KAZN: variants seen among roughly 807,000 people sequenced by gnomAD.
KAZN encodes kazrin.
A neutral mutation model predicts 87.4 loss-of-function variants in KAZN; 40 were observed. The observed-to-expected ratio is 0.46, with a 90% CI of 0.36 to 0.60. The LOEUF (loss-of-function observed/expected upper bound fraction) is 0.60, where lower values mean the gene tolerates loss of function less well. KAZN is among the 20% of genes least tolerant of loss of function. The pLI is 0.00. For synonymous variants in KAZN, 466 were observed against 458.3 expected (o/e 1.02, Z -0.22); for missense variants, 898 against 1,073.9 (o/e 0.84, Z 2.29).
At chr1:14,930,331 G>A (rs554064033) in intron 1 of KAZN, among the ~76,000 whole-genome samples, 1 of 152,144 alleles carries the variant, frequency 6.6e-6, no homozygotes, top group East Asian at 1.9e-4. Context: ...CCTTTTAATT[G>A]TACAGAAGTT....
chr1:14,489,928 C>G (rs1395770250), intron 2 of KAZN, among the ~76,000 whole-genome samples: 3 of 151,984 alleles, frequency 2.0e-5, no homozygotes, highest in Non-Finnish European at 4.4e-5. Flanking sequence ...GACTGTTTCC[C>G]TAGAATAGAC....
At chr1:14,665,516 G>A (rs1255982575) in intron 1 of KAZN, among the ~76,000 whole-genome samples, 2 of 152,052 alleles carry the variant, frequency 1.3e-5, no homozygotes, top group Non-Finnish European at 2.9e-5. Context: ...CGTCACCAGA[G>A]TCAACCTTCA....
chr1:14,280,185 G>GC (rs926367230), intron 2 of KAZN, among the ~76,000 whole-genome samples: 2 of 151,486 alleles, frequency 1.3e-5, no homozygotes, highest in East Asian at 3.9e-4. Flanking sequence ...ACACGGTGAA[G>GC]CCCCATCTCT....
chr1:15,109,727 CTGTG>C (rs148757321), intron 13 of KAZN, among the ~76,000 whole-genome samples: 26,343 of 150,664 alleles, frequency 0.17, 2,832 homozygotes, highest in East Asian at 0.53. Context: ...GTGTATATAT[CTGTG>C]TGTATGTGTG....
intron 1 of KAZN, among the ~76,000 whole-genome samples, chr1:14,665,278 C>A (rs1343163119): frequency 6.7e-6 from 1 of 148,364 alleles, no homozygotes; most frequent in African/African-American, 2.5e-5. Flanking sequence ...TTAAATATGT[C>A]CAGTGGCTGC....
chr1:14,510,167 T>C (rs1670825336), intron 2 of KAZN, among the ~76,000 whole-genome samples: 1 of 152,086 alleles, frequency 6.6e-6, no homozygotes, highest in Non-Finnish European at 1.5e-5. Flanking sequence ...TCACCTGAGG[T>C]TGGGAGTTTG....
chr1:14,444,621 T>G (rs1239563070), intron 2 of KAZN, among the ~76,000 whole-genome samples: 1 of 152,148 alleles, frequency 6.6e-6, no homozygotes, highest in African/African-American at 2.4e-5. Context: ...CCCGATTCTT[T>G]TTTCTGCTCT....
chr1:14,129,163 T>C (rs1236588374), intron 1 of KAZN, among the ~76,000 whole-genome samples: 1 of 151,912 alleles, frequency 6.6e-6, no homozygotes, highest in East Asian at 1.9e-4. Flanking sequence ...ATCAGTGGAG[T>C]TGAATTTATT....
intron 2 of KAZN, among the ~76,000 whole-genome samples, chr1:14,271,434 G>GT (rs1651919897): frequency 6.6e-6 from 1 of 152,212 alleles, no homozygotes; most frequent in Non-Finnish European, 1.5e-5. Flanking sequence ...GCTAGCACAA[G>GT]TAAGAAGAGT....
intron 2 of KAZN, among the ~76,000 whole-genome samples, chr1:14,437,964 T>C (rs1288960978): frequency 1.3e-5 from 2 of 152,118 alleles, no homozygotes; most frequent in Non-Finnish European, 2.9e-5. Context: ...AGGTGGTAGC[T>C]GTATTGGTGA....
intron 1 of KAZN, among the ~76,000 whole-genome samples, chr1:13,934,234 GT>G (rs1242081161): frequency 6.6e-6 from 1 of 152,214 alleles, no homozygotes; most frequent in Non-Finnish European, 1.5e-5. Flanking sequence ...GTAAAGTGAG[GT>G]TGAGTTTCCT....
Position 15,114,841 on chromosome 1 carries a change from A to G in KAZN, c.*206A>G. 2.0e-6 allele frequency: 1 copy of G among 511,890 alleles called. No homozygotes were observed. The allele number at this position is 511,890 out of a possible 1,614,324, so 31.7% of individuals were successfully genotyped here. On this transcript the variant is annotated 3_prime_UTR_variant, in exon 15 of 15. Transcript: ENST00000376030. ...CCAGCCCACCTGTCTTGGGTGGGCC[A>G]TGGACTTTCCTGTTCAGCTGGAGAT...
chr1:14,306,303 A>C (rs1489152764), intron 2 of KAZN, among the ~76,000 whole-genome samples: 1 of 152,200 alleles, frequency 6.6e-6, no homozygotes, highest in African/African-American at 2.4e-5. Context: ...GTAAAGGCCA[A>C]TGTATTGGGG....
chr1:14,023,404 A>G (rs1401443490), intron 1 of KAZN, among the ~76,000 whole-genome samples: 1 of 152,226 alleles, frequency 6.6e-6, no homozygotes, highest in Non-Finnish European at 1.5e-5. Flanking sequence ...TGCCTTATGC[A>G]TATTAATCAC....
chr1:14,803,402 T>A (rs1477637281), intron 1 of KAZN, among the ~76,000 whole-genome samples: 1 of 152,136 alleles, frequency 6.6e-6, no homozygotes, highest in African/African-American at 2.4e-5. Context: ...TTGGCCCTGA[T>A]GAAAGTTCAG....
At chr1:14,466,763 T>G (rs1668163244) in intron 2 of KAZN, among the ~76,000 whole-genome samples, 1 of 151,530 alleles carries the variant, frequency 6.6e-6, no homozygotes, top group Non-Finnish European at 1.5e-5. Context: ...AGTCAGGAGA[T>G]GGAGACCATC....
At chr1:13,908,667 CAGA>C (rs1243635155) in intron 1 of KAZN, among the ~76,000 whole-genome samples, 2 of 152,312 alleles carry the variant, frequency 1.3e-5, no homozygotes, top group East Asian at 3.9e-4. Flanking sequence ...CTGGGCATTG[CAGA>C]AGAACCCTTT....
At chr1:14,446,367 C>T (rs140926271) in intron 2 of KAZN, among the ~76,000 whole-genome samples, 97 of 152,228 alleles carry the variant, frequency 6.4e-4, no homozygotes, top group East Asian at 4.8e-3. Flanking sequence ...GCAATGCAGA[C>T]GGACTTTCTG....
intron 2 of KAZN, among the ~76,000 whole-genome samples, chr1:14,334,510 C>T (rs527262945): frequency 2.6e-5 from 4 of 151,776 alleles, no homozygotes; most frequent in African/African-American, 7.2e-5. Flanking sequence ...GCATGGTCAT[C>T]ATAAGGACTT....
Sources: gnomAD v4.1 joint callset for allele counts (sites outside exome capture counted in the v4.1 genomes callset) on GRCh38, gnomAD v4.1.1 for gene constraint, MANE v1.5 for transcripts, NCBI Gene and HGNC (gene_info 2026-07-23, HGNC 2026-07-21) for gene names.